Variants in ENOX2 observed in about 807,000 individuals in gnomAD.
ENOX2 encodes ecto-NOX disulfide-thiol exchanger 2.
In ENOX2, 36 loss-of-function variants were observed where a neutral mutation model predicts 45.0. That is an observed-to-expected ratio of 0.80 (90% CI 0.61 to 1.06). The LOEUF (loss-of-function observed/expected upper bound fraction) is 1.06. ENOX2 is among the 50% of genes least tolerant of loss of function. The pLI is 0.00. For synonymous variants in ENOX2, 174 were observed against 152.3 expected (o/e 1.14, Z -1.05); for missense variants, 423 against 462.5 (o/e 0.91, Z 0.78).
At chrX:130,756,240 T>C (rs1163449986) in intron 3 of ENOX2, among the ~76,000 whole-genome samples, 1 of 112,114 alleles carries the variant, frequency 8.9e-6, no homozygotes, top group Non-Finnish European at 1.9e-5. Context: ...AGATGTGGAC[T>C]TCACCCTTGA....
At chrX:130,718,332 G>A (rs1483660108) in intron 3 of ENOX2, among the ~76,000 whole-genome samples, 3 of 112,061 alleles carry the variant, frequency 2.7e-5, no homozygotes, top group African/African-American at 9.7e-5. Flanking sequence ...GCAGGCTACA[G>A]AGCAGGGTGA....
At chrX:130,694,636 C>G (rs1195642677) in intron 4 of ENOX2, among the ~76,000 whole-genome samples, 1 of 94,619 alleles carries the variant, frequency 1.1e-5, no homozygotes, top group African/African-American at 4.0e-5. Flanking sequence ...GAGTCTCGCT[C>G]TTATCATCCA....
chrX:130,833,259 T>TC (rs2077868988), intron 2 of ENOX2, among the ~76,000 whole-genome samples: 1 of 111,340 alleles, frequency 9.0e-6, no homozygotes, highest in Non-Finnish European at 1.9e-5. Context: ...TTCTTCAATT[T>TC]CCCCATAATT....
At chrX:130,645,895 C>T (rs920815396) in intron 10 of ENOX2, 8 of 676,629 alleles carry the variant, frequency 1.2e-5, no homozygotes, top group African/African-American at 6.4e-5. Flanking sequence ...CAGCCCATCC[C>T]GTGGAAAGTG....
chrX:130,838,239 G>A lies in ENOX2; in HGVS notation c.-182-54549C>T, dbSNP rs186492130. On this transcript the variant is annotated intron_variant, in intron 2 of 14. Transcript: ENST00000394363. ...TCTGCTAAAAATACAAACATTAGCC[G>A]GGCATAGTGGTGCATGCCTGTAATC... Among the ~76,000 whole-genome samples, 32 of 111,300 alleles carry A rather than the reference G, an allele frequency of 2.9e-4. 1 individual carries two copies. The highest frequency in any genetic ancestry group is 4.6e-3 in the Middle Eastern group (1 of 217).
intron 10 of ENOX2, among the ~76,000 whole-genome samples, chrX:130,641,098 C>T (rs1367705047): frequency 1.8e-5 from 2 of 111,015 alleles, no homozygotes; most frequent in African/African-American, 6.6e-5. Flanking sequence ...TGTCAGACAC[C>T]AAACCATAGA....
intron 2 of ENOX2, among the ~76,000 whole-genome samples, chrX:130,789,642 T>C (rs1357713382): frequency 8.9e-6 from 1 of 112,654 alleles, no homozygotes; most frequent in Non-Finnish European, 1.9e-5. Context: ...TCTAGCTAAT[T>C]TGTCTGTAAA....
At chrX:130,717,553 A>G (rs761230423) in intron 3 of ENOX2, among the ~76,000 whole-genome samples, 2 of 112,375 alleles carry the variant, frequency 1.8e-5, no homozygotes, top group Non-Finnish European at 3.8e-5. Flanking sequence ...AGACACTGTC[A>G]GAGCCAACTG....
At position 130,631,592 on chromosome X, in the gene ENOX2, G is replaced by C; in HGVS notation, c.1420-16C>G. On this transcript the variant is annotated splice_polypyrimidine_tract_variant and intron_variant, in intron 12 of 14. Coordinates refer to ENST00000394363, the MANE Select transcript of ENOX2 (RefSeq NM_006375.4). ...CACAGCTTTCCTGTGGACACAACAT[G>C]CTTCTAGGTCAGTTCACTTTATTTG... The C allele has an allele frequency of 9.8e-7, 1 of 1,019,885 alleles. No individual in the cohort carries two copies. The highest frequency in any genetic ancestry group is 1.9e-5 in the South Asian group (1 of 52,729). 84.0% of individuals were successfully genotyped at this position (1,019,885 alleles called of 1,213,427 possible). A position where few individuals can be genotyped will look rare whatever the true frequency, so the allele number is the denominator to read the frequency against.
chrX:130,626,853 C>T (rs2035558221), intron 14 of ENOX2, among the ~76,000 whole-genome samples: 1 of 111,495 alleles, frequency 9.0e-6, no homozygotes, highest in African/African-American at 3.3e-5. Flanking sequence ...CACCTATATT[C>T]AATGGCACTT....
intron 2 of ENOX2, among the ~76,000 whole-genome samples, chrX:130,830,635 G>C (rs968217077): frequency 1.8e-5 from 2 of 112,015 alleles, no homozygotes; most frequent in Admixed American, 9.5e-5. Context: ...CTTTCTACTG[G>C]AAGTTGGCCT....
chrX:130,652,446 A>T (rs2036428652), intron 10 of ENOX2, among the ~76,000 whole-genome samples: 1 of 111,869 alleles, frequency 8.9e-6, no homozygotes, highest in South Asian at 3.8e-4. Context: ...CTACACTACC[A>T]TCTACTATTC....
At chrX:130,685,167 A>T (rs1291076255) in intron 5 of ENOX2, among the ~76,000 whole-genome samples, 1 of 111,359 alleles carries the variant, frequency 9.0e-6, no homozygotes, top group East Asian at 2.8e-4. Context: ...CAAAGGCCCT[A>T]TGATGGGAGA....
At chrX:130,746,822 G>A (rs1362446360) in intron 3 of ENOX2, among the ~76,000 whole-genome samples, 2 of 112,163 alleles carry the variant, frequency 1.8e-5, no homozygotes, top group African/African-American at 3.2e-5. Flanking sequence ...GGCTGTGTCT[G>A]TGTGTCTGTC....
chrX:130,813,071 C>CGGT (rs1411994584), intron 2 of ENOX2, among the ~76,000 whole-genome samples: 2 of 111,883 alleles, frequency 1.8e-5, no homozygotes, highest in African/African-American at 6.5e-5. Flanking sequence ...GAACGCTTAA[C>CGGT]CAGTAGGTAT....
chrX:130,671,197 T>C (rs1032530352), intron 6 of ENOX2, among the ~76,000 whole-genome samples: 13 of 112,125 alleles, frequency 1.2e-4, no homozygotes, highest in African/African-American at 2.9e-4. Flanking sequence ...CATAGACTTT[T>C]GCTTCTGGCT....
chrX:130,876,750 A>T (rs2078710910), intron 2 of ENOX2, among the ~76,000 whole-genome samples: 1 of 111,708 alleles, frequency 9.0e-6, no homozygotes, highest in South Asian at 3.8e-4. Flanking sequence ...ACCACACTAC[A>T]TAACTCCTCA....
chrX:130,707,411 T>G (rs968019414), intron 3 of ENOX2, among the ~76,000 whole-genome samples: 2 of 111,204 alleles, frequency 1.8e-5, no homozygotes, highest in Non-Finnish European at 1.9e-5. Flanking sequence ...TATCATTTTA[T>G]AACTATCAAA....
intron 2 of ENOX2, among the ~76,000 whole-genome samples, chrX:130,813,286 G>A (rs2077423474): frequency 8.9e-6 from 1 of 112,215 alleles, no homozygotes; most frequent in Non-Finnish European, 1.9e-5. Context: ...AAGGAGAAAG[G>A]ACAGTCTCTT....
Sources: allele counts gnomAD v4.1 joint callset (sites outside exome capture counted in the v4.1 genomes callset), GRCh38; gene constraint gnomAD v4.1.1; transcripts MANE v1.5; gene names NCBI Gene and HGNC (gene_info 2026-07-23, HGNC 2026-07-21).